NRXN3: variants seen among roughly 807,000 people sequenced by gnomAD.
NRXN3 encodes the protein neurexin 3.
A neutral mutation model predicts 137.6 loss-of-function variants in NRXN3; 32 were observed. That is an observed-to-expected ratio of 0.23 (90% CI 0.18 to 0.31). The LOEUF is 0.31. NRXN3 is among the 10% of genes least tolerant of loss of function. The pLI, the probability that NRXN3 is intolerant of heterozygous loss-of-function variation, is 1.00. For synonymous variants in NRXN3, 798 were observed against 784.5 expected (o/e 1.02, Z -0.29); for missense variants, 1,574 against 2,062.5 (o/e 0.76, Z 4.59).
intron 1 of NRXN3, among the ~76,000 whole-genome samples, chr14:78,180,826 A>G: frequency 6.6e-6 from 1 of 152,192 alleles, no homozygotes. Context: ...CTGGTGGAGA[A>G]AAGCCTGTTT....
At chr14:79,489,015 G>C (rs2096685132) in intron 16 of NRXN3, among the ~76,000 whole-genome samples, 1 of 152,026 alleles carries the variant, frequency 6.6e-6, no homozygotes, top group Non-Finnish European at 1.5e-5. Flanking sequence ...TATCTTGCAG[G>C]CATGTTATGA....
At chr14:79,328,083 T>C (rs889516943) in intron 15 of NRXN3, among the ~76,000 whole-genome samples, 6 of 152,100 alleles carry the variant, frequency 3.9e-5, no homozygotes, top group Non-Finnish European at 7.4e-5. Flanking sequence ...CATTTACCTG[T>C]GTAACAAACC....
At chr14:79,490,682 G>T (rs2096707969) in intron 16 of NRXN3, among the ~76,000 whole-genome samples, 1 of 151,830 alleles carries the variant, frequency 6.6e-6, no homozygotes, top group South Asian at 2.1e-4. Flanking sequence ...GGGAAGTGGG[G>T]GTTGGGGGAG....
intron 10 of NRXN3, among the ~76,000 whole-genome samples, chr14:78,949,278 A>G (rs1274325313): frequency 6.6e-6 from 1 of 151,806 alleles, no homozygotes; most frequent in Non-Finnish European, 1.5e-5. Flanking sequence ...CTCTCCTTTA[A>G]TTTATTCATC....
At chr14:79,406,869 G>A (rs1434507520) in intron 15 of NRXN3, among the ~76,000 whole-genome samples, 1 of 152,174 alleles carries the variant, frequency 6.6e-6, no homozygotes, top group African/African-American at 2.4e-5. Context: ...ATCAATAACA[G>A]CTCCCAAAAG....
intron 16 of NRXN3, among the ~76,000 whole-genome samples, chr14:79,499,805 C>T (rs147598077): frequency 0.01 from 1,541 of 152,182 alleles, 27 homozygotes; most frequent in African/African-American, 0.035. Context: ...TTTGCTTCTA[C>T]GAACAAGGTA....
rs2097432054 is a variant in NRXN3 at position 78,624,166 on chromosome 14, A to C, written c.758-20954A>C. Among the ~76,000 whole-genome samples the C allele has an allele frequency of 2.6e-5, 4 of 152,172 alleles. No individual in the cohort carries two copies. The South Asian group carries it at 8.3e-4, about 32-fold the overall frequency. ...TAGTCAAAATGCTATATCCACCTCA[A>C]ATGGAGTCAGGATAAGCATTATGAA... On this transcript the variant is annotated intron_variant, in intron 4 of 20. Coordinates refer to ENST00000335750, the MANE Select transcript of NRXN3 (RefSeq NM_001330195.2).
chr14:79,350,622 A>G (rs926595458), intron 15 of NRXN3, among the ~76,000 whole-genome samples: 3 of 152,108 alleles, frequency 2.0e-5, no homozygotes, highest in African/African-American at 4.8e-5. Flanking sequence ...TTTTGTTTTC[A>G]TAGGTTTTTT....
At chr14:79,431,632 T>C (rs1436412706) in intron 15 of NRXN3, among the ~76,000 whole-genome samples, 1 of 152,162 alleles carries the variant, frequency 6.6e-6, no homozygotes, top group African/African-American at 2.4e-5. Context: ...AAATCCTATA[T>C]TTTGATTAAA....
chr14:78,541,033 C>G (rs2153819880), intron 4 of NRXN3, among the ~76,000 whole-genome samples: 1 of 152,306 alleles, frequency 6.6e-6, no homozygotes, highest in East Asian at 1.9e-4. Flanking sequence ...CGGCTTTTCT[C>G]TCTGGCTACC....
At chr14:79,678,537 G>C (rs891138397) in intron 17 of NRXN3, among the ~76,000 whole-genome samples, 3 of 152,096 alleles carry the variant, frequency 2.0e-5, no homozygotes, top group Admixed American at 6.6e-5. Flanking sequence ...TCTTTGGACA[G>C]CATTCTTGTT....
At chr14:79,730,496 T>G (rs1418754444) in intron 19 of NRXN3, among the ~76,000 whole-genome samples, 1 of 152,240 alleles carries the variant, frequency 6.6e-6, no homozygotes, top group African/African-American at 2.4e-5. Flanking sequence ...TTAACTAAAT[T>G]GTGTTATCCA....
chr14:78,260,975 G>T (rs1165881381), intron 2 of NRXN3, among the ~76,000 whole-genome samples: 1 of 152,164 alleles, frequency 6.6e-6, no homozygotes, highest in Admixed American at 6.5e-5. Context: ...GTTCATGTGT[G>T]ACTTCTTTCA....
chr14:78,229,188 G>A (rs542777134), intron 1 of NRXN3, among the ~76,000 whole-genome samples: 5 of 151,994 alleles, frequency 3.3e-5, no homozygotes, highest in African/African-American at 7.3e-5. Context: ...TATTGTGGCC[G>A]TCATGGGGGA....
chr14:78,958,548 C>T (rs371881471), intron 11 of NRXN3, among the ~76,000 whole-genome samples: 28 of 151,908 alleles, frequency 1.8e-4, no homozygotes, highest in South Asian at 1.5e-3. Flanking sequence ...GTAGAGATGG[C>T]GTTTCACCGT....
chr14:78,267,524 C>A (rs2071961816), intron 2 of NRXN3, among the ~76,000 whole-genome samples: 1 of 152,230 alleles, frequency 6.6e-6, no homozygotes, highest in South Asian at 2.1e-4. Context: ...AGACCCCTCT[C>A]TGTACCAAAA....
chr14:78,422,513 G>T (rs959485504), intron 4 of NRXN3, among the ~76,000 whole-genome samples: 4 of 152,190 alleles, frequency 2.6e-5, no homozygotes, highest in Non-Finnish European at 5.9e-5. Flanking sequence ...GGATCATGGT[G>T]TTAACCAAGA....
At chr14:78,257,722 A>C (rs990575953) in intron 2 of NRXN3, among the ~76,000 whole-genome samples, 1 of 152,202 alleles carries the variant, frequency 6.6e-6, no homozygotes, top group African/African-American at 2.4e-5. Context: ...GGAATGTCTT[A>C]ACTGCTTTGT....
intron 16 of NRXN3, among the ~76,000 whole-genome samples, chr14:79,631,311 C>G (rs1255659246): frequency 6.6e-6 from 1 of 152,268 alleles, no homozygotes; most frequent in Non-Finnish European, 1.5e-5. Flanking sequence ...GTGCTAGCAG[C>G]CCTCGCTCGC....
Sources: gnomAD v4.1 joint callset for allele counts (sites outside exome capture counted in the v4.1 genomes callset) on GRCh38, gnomAD v4.1.1 for gene constraint, MANE v1.5 for transcripts, NCBI Gene and HGNC (gene_info 2026-07-23, HGNC 2026-07-21) for gene names.